LRRIQ1: variants seen among roughly 807,000 people sequenced by gnomAD.
The protein encoded by LRRIQ1 is leucine-rich repeat- and IQ domain-containing protein 1.
Under a neutral mutation model 211.9 loss-of-function variants are expected in LRRIQ1, and 210 were observed. The ratio of observed to expected loss-of-function variants is 0.99; its 90% CI spans 0.89 to 1.11. The LOEUF (loss-of-function observed/expected upper bound fraction) is 1.11. Among genes scored for constraint, LRRIQ1 ranks in the 50% most tolerant of loss-of-function variants. The pLI is 0.00. For missense variants in LRRIQ1, 2,136 were observed against 1,939.5 expected, an observed-to-expected ratio of 1.10 and a Z score of -1.90; for synonymous variants, 699 against 650.1, an observed-to-expected ratio of 1.08 and a Z score of -1.14.
At chr12:85,053,023 G>A (rs1349637274) in intron 7 of LRRIQ1, among the ~76,000 whole-genome samples, 2 of 152,004 alleles carry the variant, frequency 1.3e-5, no homozygotes, top group East Asian at 3.9e-4. Flanking sequence ...ACATTCTAGA[G>A]TTTAAAAAAT....
At chr12:85,084,602 C>T (rs1170156166) in intron 11 of LRRIQ1, among the ~76,000 whole-genome samples, 2 of 152,060 alleles carry the variant, frequency 1.3e-5, no homozygotes. Flanking sequence ...TTTTACACTA[C>T]TGAAACAGAA....
Position 85,073,028 on chromosome 12 carries a change from C to G in LRRIQ1, c.2817C>G (p.Ser939=). 6.2e-7 allele frequency: 1 copy of G among 1,612,222 alleles called. No individual in the cohort carries two copies. The change falls in exon 11 of 27, where the codon TCC becomes TCG. Residue 939 remains serine, a synonymous_variant. Transcript: ENST00000393217. ...GGATTCCAACTGGATTATGTTGGTC[C>G]TGGATACCTATTACCTCACTTACAA... ...QVWIPTGLCW[S]WIPITSLTKN... is the part of the protein sequence containing the mutation.
rs1043319119 is a variant in LRRIQ1 at position 85,052,368 on chromosome 12, A to C, written c.753+117A>C. 5 of 488,092 alleles carry C rather than the reference A, an allele frequency of 1.0e-5. No individual in the cohort carries two copies. In the Middle Eastern group the frequency reaches 9.9e-4, roughly 96 times the overall value. 30.2% of individuals were successfully genotyped at this position (488,092 alleles called of 1,614,324 possible). A position where few individuals can be genotyped will look rare whatever the true frequency, so the allele number is the denominator to read the frequency against. On this transcript the variant is annotated intron_variant, in intron 7 of 26. Coordinates refer to ENST00000393217, the MANE Select transcript of LRRIQ1 (RefSeq NM_001079910.2). ...CCTAAGTAGTATAAGATTTTAGTTT[A>C]TTACAGCATTAAAAATTTATTAATC...
At chr12:85,254,681 T>A (rs1226270788) in intron 1 of LRRIQ1, among the ~76,000 whole-genome samples, 2 of 152,114 alleles carry the variant, frequency 1.3e-5, no homozygotes, top group Non-Finnish European at 2.9e-5. Flanking sequence ...ATATTTCTGA[T>A]GTATTTTCCT....
chr12:85,073,039 T>C lies in LRRIQ1; in HGVS notation c.2828T>C (p.Ile943Thr). The C allele has an allele frequency of 6.2e-7, 1 of 1,611,056 alleles. No homozygotes were observed. The highest frequency in any genetic ancestry group is 1.1e-5 in the South Asian group (1 of 90,734). The change falls in exon 11 of 27, where the codon ATT (isoleucine) becomes ACT (threonine). Residue 943 changes from isoleucine (I) to threonine (T), a missense_variant. Coordinates refer to ENST00000393217, the MANE Select transcript of LRRIQ1 (RefSeq NM_001079910.2). ...PTGLCWSWIPITSLTKNSDCN... is the reference protein window; with the variant it reads ...PTGLCWSWIPTTSLTKNSDCN... ...GGATTATGTTGGTCCTGGATACCTA[T>C]TACCTCACTTACAAAAAATTCAGAT...
chr12:85,175,429 ATTC>A (rs1478466093), intron 24 of LRRIQ1, among the ~76,000 whole-genome samples: 1 of 152,192 alleles, frequency 6.6e-6, no homozygotes, highest in Non-Finnish European at 1.5e-5. Context: ...ACTAAAGAGT[ATTC>A]TTCGGGCAGA....
intron 24 of LRRIQ1, among the ~76,000 whole-genome samples, chr12:85,192,320 C>T (rs912158367): frequency 1.4e-5 from 2 of 147,070 alleles, no homozygotes; most frequent in Admixed American, 7.1e-5. Flanking sequence ...ATTCATGTCA[C>T]TGCAAAGGAC....
At chr12:85,176,154 C>G (rs185238521) in intron 24 of LRRIQ1, among the ~76,000 whole-genome samples, 15 of 152,012 alleles carry the variant, frequency 9.9e-5, no homozygotes, top group African/African-American at 3.6e-4. Flanking sequence ...AATGTTCTTC[C>G]CTTTGTTTGT....
At chr12:85,199,367 G>A (rs1398770976) in intron 24 of LRRIQ1, among the ~76,000 whole-genome samples, 1 of 152,070 alleles carries the variant, frequency 6.6e-6, no homozygotes, top group East Asian at 1.9e-4. Context: ...ATTGAATAGG[G>A]AAGTCCTTTC....
chr12:85,098,694 T>TAA (rs1292174558), intron 12 of LRRIQ1, 146 bp downstream of exon 12: 4 of 734,350 alleles, frequency 5.4e-6, no homozygotes, highest in African/African-American at 1.8e-5. Flanking sequence ...TATTAAATAT[T>TAA]ATACAGTTAA....
intron 24 of LRRIQ1, among the ~76,000 whole-genome samples, chr12:85,217,508 ATGTGTGTGTGTGTGTGTGTGTG>A (rs370971727): frequency 7.8e-5 from 5 of 64,252 alleles, no homozygotes; most frequent in South Asian, 9.2e-4. Context: ...ATATATATAT[ATGTGTGTGTGTGTGTGTGTGTG>A]TGTGTGTGTG....
At chr12:85,136,225 C>T (rs1161643687) in intron 18 of LRRIQ1, among the ~76,000 whole-genome samples, 1 of 151,826 alleles carries the variant, frequency 6.6e-6, no homozygotes, top group Non-Finnish European at 1.5e-5. Flanking sequence ...ATAAAGACCA[C>T]ACAAATGAGA....
At chr12:85,040,628 A>G (rs752074764) in intron 3 of LRRIQ1, 27 bp downstream of exon 3, 2 of 1,365,648 alleles carry the variant, frequency 1.5e-6, no homozygotes, top group South Asian at 2.5e-5. Flanking sequence ...TCTGTCTGGC[A>G]GATAAGCTTT....
intron 1 of LRRIQ1, among the ~76,000 whole-genome samples, chr12:85,037,103 TTTG>T (rs1808256613): frequency 2.0e-5 from 3 of 152,318 alleles, no homozygotes; most frequent in Admixed American, 2.0e-4. Flanking sequence ...AATAATTAAT[TTTG>T]TTATTACACG....
At chr12:85,134,614 G>A (rs753022029) in intron 18 of LRRIQ1, among the ~76,000 whole-genome samples, 60 of 152,126 alleles carry the variant, frequency 3.9e-4, no homozygotes, top group Middle Eastern at 3.4e-3. Flanking sequence ...ATCAAGAATC[G>A]TGGTTATATC....
At chr12:85,153,535 C>A in intron 21 of LRRIQ1, 128 bp from the exon 22 acceptor site, 1 of 665,786 alleles carries the variant, frequency 1.5e-6, no homozygotes, top group Non-Finnish European at 2.6e-6. Flanking sequence ...TATTGCCTTT[C>A]AAGATAATGT....
intron 26 of LRRIQ1, among the ~76,000 whole-genome samples, chr12:85,233,764 A>T (rs1895057416): frequency 6.6e-6 from 1 of 152,164 alleles, no homozygotes; most frequent in Admixed American, 6.6e-5. Flanking sequence ...TTGCATTTTA[A>T]TAGAGACCTC....
chr12:85,103,870 G>A lies in LRRIQ1; in HGVS notation c.3210-134G>A, dbSNP rs1323390117. ...ATAATTTTATTGTACAATTATAATTGTATATATAAAATTGTATAAAATGTG... is the reference window on the plus strand; with the variant it reads ...ATAATTTTATTGTACAATTATAATTATATATATAAAATTGTATAAAATGTG... On this transcript the variant is annotated intron_variant, in intron 13 of 26. Transcript: ENST00000393217. The A allele has an allele frequency of 1.7e-5, 6 of 344,222 alleles. No homozygotes were observed. The East Asian group carries it at 2.8e-4, about 16-fold the overall frequency. 21.3% of individuals were successfully genotyped at this position (344,222 alleles called of 1,614,324 possible).
At chr12:85,134,511 A>C (rs923966480) in intron 18 of LRRIQ1, among the ~76,000 whole-genome samples, 17 of 152,056 alleles carry the variant, frequency 1.1e-4, no homozygotes, top group African/African-American at 3.9e-4. Context: ...TATAATAGAC[A>C]TTCAGTAAAT....
Sources: allele counts gnomAD v4.1 joint callset (sites outside exome capture counted in the v4.1 genomes callset), GRCh38; gene constraint gnomAD v4.1.1; transcripts MANE v1.5; gene names NCBI Gene and HGNC (gene_info 2026-07-23, HGNC 2026-07-21).